The following DNM3 variants were observed in gnomAD, a reference collection of about 807,000 sequenced individuals.
The protein encoded by DNM3 is dynamin 3.
Under a neutral mutation model 101.6 loss-of-function variants are expected in DNM3, and 47 were observed. The observed-to-expected ratio is 0.46, with a 90% CI of 0.37 to 0.59. The LOEUF (loss-of-function observed/expected upper bound fraction) is 0.59, where lower values mean the gene tolerates loss of function less well. Ranked by LOEUF, DNM3 falls within the 20% of genes least tolerant of loss-of-function variation. The pLI is 0.00. For missense variants in DNM3, 849 were observed against 1,085.7 expected (o/e 0.78, Z 3.06); for synonymous variants, 385 against 387.9 (o/e 0.99, Z 0.09).
rs2125591945 is a variant in DNM3 at position 171,982,052 on chromosome 1, GA to G, written c.236-5602del. ...AACTATGAAGCATTTAGAATGAAAG[GA>G]ATACTGAGAACATGTCAAGAGAGCT... On this transcript the variant is annotated intron_variant, in intron 2 of 20. Coordinates refer to ENST00000627582, the MANE Select transcript of DNM3 (RefSeq NM_015569.5). 2.0e-5 allele frequency among the ~76,000 whole-genome samples: 3 copies of G among 152,284 alleles called. No homozygotes were observed. In the South Asian group the frequency reaches 6.2e-4, roughly 32 times the overall value.
intron 7 of DNM3, among the ~76,000 whole-genome samples, 156 bp from the exon 8 acceptor site, chr1:172,041,853 C>T (rs893383868): frequency 1.3e-5 from 2 of 152,148 alleles, no homozygotes; most frequent in African/African-American, 2.4e-5. Context: ...TATAATCACA[C>T]TGTGAGTACT....
chr1:171,842,601 C>T (rs894976611), intron 1 of DNM3, among the ~76,000 whole-genome samples: 7 of 152,096 alleles, frequency 4.6e-5, no homozygotes, highest in African/African-American at 1.7e-4. Flanking sequence ...CCTGCATCAT[C>T]TCGGAACTGA....
chr1:172,323,792 G>A (rs73046829), intron 17 of DNM3, among the ~76,000 whole-genome samples: 3,142 of 152,178 alleles, frequency 0.021, 106 homozygotes, highest in African/African-American at 0.069. Flanking sequence ...CTTTGTTGAC[G>A]AAACTGAACT....
At chr1:172,262,218 T>A (rs1464159781) in intron 15 of DNM3, among the ~76,000 whole-genome samples, 1 of 152,026 alleles carries the variant, frequency 6.6e-6, no homozygotes, top group African/African-American at 2.4e-5. Flanking sequence ...GTGGTGGTTG[T>A]GGGCAGTGGC....
intron 4 of DNM3, 99 bp from the exon 5 acceptor site, chr1:172,032,303 A>G (rs897938883): frequency 1.1e-6 from 1 of 875,222 alleles, no homozygotes; most frequent in African/African-American, 1.7e-5. Context: ...TGGGAAAAGG[A>G]CCAGGAAAAT....
intron 4 of DNM3, among the ~76,000 whole-genome samples, chr1:172,031,321 G>A (rs1399896194): frequency 6.6e-6 from 1 of 152,132 alleles, no homozygotes; most frequent in Non-Finnish European, 1.5e-5. Context: ...AACACCACAT[G>A]TTCTCACTCA....
At chr1:172,305,169 A>C (rs1480420214) in intron 15 of DNM3, among the ~76,000 whole-genome samples, 1 of 152,198 alleles carries the variant, frequency 6.6e-6, no homozygotes, top group East Asian at 1.9e-4. Flanking sequence ...GAGAAGAATC[A>C]AATAGATGCA....
intron 15 of DNM3, among the ~76,000 whole-genome samples, chr1:172,262,643 T>A (rs2148717408): frequency 6.6e-6 from 1 of 152,268 alleles, no homozygotes; most frequent in East Asian, 1.9e-4. Context: ...ATTCCAGTGT[T>A]CTCTCTTAGA....
intron 4 of DNM3, among the ~76,000 whole-genome samples, chr1:172,024,403 A>C (rs563658266): frequency 6.6e-6 from 1 of 152,380 alleles, no homozygotes; most frequent in African/African-American, 2.4e-5. Flanking sequence ...TATCCTATTC[A>C]AAAATCCAGC....
intron 17 of DNM3, among the ~76,000 whole-genome samples, chr1:172,369,787 T>C (rs754295875): frequency 1.3e-5 from 2 of 151,964 alleles, no homozygotes; most frequent in Non-Finnish European, 2.9e-5. Context: ...TTGCTAGAGA[T>C]GCCATAACAA....
At chr1:171,916,271 TAA>T (rs1280743327) in intron 1 of DNM3, among the ~76,000 whole-genome samples, 2 of 152,182 alleles carry the variant, frequency 1.3e-5, no homozygotes, top group East Asian at 3.8e-4. Context: ...TTCTCATCTG[TAA>T]AGTAAGAATA....
intron 1 of DNM3, among the ~76,000 whole-genome samples, chr1:171,845,263 A>G (rs1233958288): frequency 1.3e-5 from 2 of 152,186 alleles, no homozygotes; most frequent in African/African-American, 4.8e-5. Context: ...TATTAATAAG[A>G]AGCTGGCCAG....
At chr1:172,041,771 G>T (rs553675762) in intron 7 of DNM3, among the ~76,000 whole-genome samples, 11 of 152,206 alleles carry the variant, frequency 7.2e-5, no homozygotes, top group Admixed American at 2.6e-4. Flanking sequence ...ATGAACAGAA[G>T]GCATTGAAAG....
intron 1 of DNM3, among the ~76,000 whole-genome samples, chr1:171,863,901 C>G (rs1335820560): frequency 3.3e-5 from 5 of 152,180 alleles, no homozygotes. Context: ...ACTGGAGATA[C>G]TTAGTATGAG....
At chr1:171,868,984 T>C (rs545400242) in intron 1 of DNM3, among the ~76,000 whole-genome samples, 2 of 152,282 alleles carry the variant, frequency 1.3e-5, no homozygotes, top group Admixed American at 6.5e-5. Context: ...GGTTTCTCCA[T>C]GTTGGTCAGG....
chr1:172,201,617 G>A (rs1406227980), intron 14 of DNM3, among the ~76,000 whole-genome samples: 1 of 152,210 alleles, frequency 6.6e-6, no homozygotes, highest in Non-Finnish European at 1.5e-5. Flanking sequence ...CTCTCCTTGG[G>A]TTGACTACAG....
At chr1:172,200,287 T>C (rs1489629684) in intron 14 of DNM3, among the ~76,000 whole-genome samples, 3 of 152,146 alleles carry the variant, frequency 2.0e-5, no homozygotes, top group African/African-American at 7.2e-5. Flanking sequence ...GTTATCCTGA[T>C]GATGTTTTCT....
At chr1:171,987,883 G>A in intron 3 of DNM3, 78 bp downstream of exon 3, 1 of 1,342,170 alleles carries the variant, frequency 7.5e-7, no homozygotes, top group Non-Finnish European at 9.8e-7. Context: ...CATTTGTACA[G>A]AAGATACAAA....
chr1:172,024,903 G>A (rs2048092306), intron 4 of DNM3, among the ~76,000 whole-genome samples: 1 of 152,244 alleles, frequency 6.6e-6, no homozygotes, highest in South Asian at 2.1e-4. Flanking sequence ...GCTAGCTGCA[G>A]CAGTTTTTTT....
Sources: allele counts gnomAD v4.1 joint callset (sites outside exome capture counted in the v4.1 genomes callset), GRCh38; gene constraint gnomAD v4.1.1; transcripts MANE v1.5; gene names NCBI Gene and HGNC (gene_info 2026-07-23, HGNC 2026-07-21).